Variants in IRAG1 observed in about 807,000 individuals in gnomAD.
The protein encoded by IRAG1 is IP3R-associated cGMP kinase substrate.
In IRAG1, 62 loss-of-function variants were observed where a neutral mutation model predicts 106.2. The ratio of observed to expected loss-of-function variants is 0.58; its 90% CI spans 0.48 to 0.72. IRAG1 has a LOEUF of 0.72. Among genes scored for constraint, IRAG1 ranks in the 30% least tolerant of loss-of-function variants. The probability of loss-of-function intolerance (pLI) is 0.00; values close to 1 mark genes in which losing one functional copy is unlikely to be tolerated. For synonymous variants in IRAG1, 462 were observed against 443.9 expected (o/e 1.04, Z -0.51); for missense variants, 1,064 against 1,140.7 (o/e 0.93, Z 0.97).
At chr11:10,614,090 G>A (rs1057216416) in intron 10 of IRAG1, among the ~76,000 whole-genome samples, 1 of 152,040 alleles carries the variant, frequency 6.6e-6, no homozygotes, top group African/African-American at 2.4e-5. Context: ...ACATACTGAG[G>A]ATACCTACCC....
In IRAG1 at chr11:10,603,216, C is replaced by G. The variant is rs1173118509; in HGVS notation, c.1779G>C (p.Arg593=). Residue 593 remains arginine, a synonymous_variant, in exon 14 of 21, where the codon CGG becomes CGC. Transcript: ENST00000423302. The part of the protein sequence containing the change: ...SASLWHHCEH[R]ETYQKLLEDI... ...CCTCCAGCAACTTCTGGTAGGTTTC[C>G]CGGTGCTCACAGTGGTGCCAGAGTG... is the stretch of plus-strand genomic sequence containing the variant. The G allele has an allele frequency of 1.2e-6, 2 of 1,613,656 alleles. No homozygotes were observed. Among genetic ancestry groups the G allele is most frequent in the South Asian group, 2.2e-5 (2 of 91,044 alleles).
intron 3 of IRAG1, among the ~76,000 whole-genome samples, chr11:10,633,742 G>A (rs145113356): frequency 1.1e-4 from 17 of 152,288 alleles, no homozygotes; most frequent in African/African-American, 2.4e-4. Flanking sequence ...GGCTGGAGCC[G>A]TCGCAGAGCC....
chr11:10,645,527 A>G (rs1334158577), intron 2 of IRAG1, among the ~76,000 whole-genome samples: 1 of 152,230 alleles, frequency 6.6e-6, no homozygotes, highest in Non-Finnish European at 1.5e-5. Flanking sequence ...CATCTGGATA[A>G]GATACCTAAC....
intron 1 of IRAG1, among the ~76,000 whole-genome samples, chr11:10,693,264 C>T (rs995783532): frequency 1.3e-5 from 2 of 152,196 alleles, no homozygotes; most frequent in Admixed American, 6.5e-5. Flanking sequence ...TCAGGACCCA[C>T]ATTTTCACCC....
intron 1 of IRAG1, among the ~76,000 whole-genome samples, chr11:10,678,095 T>C (rs563259194): frequency 1.3e-5 from 2 of 152,366 alleles, no homozygotes; most frequent in South Asian, 4.1e-4. Flanking sequence ...GACATTCGTG[T>C]TGTTTCCTCC....
In IRAG1 at chr11:10,628,842, C is replaced by T. The variant is rs1345264424; in HGVS notation, c.575-14G>A. On this transcript the variant is annotated splice_polypyrimidine_tract_variant and intron_variant, in intron 5 of 20. Transcript: ENST00000423302. This position sits in a 1 kb window ranked among gnomAD's most constrained non-coding sequence, Gnocchi z 4.1. ...TCGGGGAAACAGCTGTGAAGACAGA[C>T]ACAAATTGGCTGGCATTCATGAAGG... is the stretch of plus-strand genomic sequence containing the variant. The T allele has an allele frequency of 1.3e-6, 2 of 1,570,768 alleles. No individual in the cohort carries two copies. The highest frequency in any genetic ancestry group is 1.7e-6 in the Non-Finnish European group (2 of 1,159,398).
At position 10,600,910 on chromosome 11, in the gene IRAG1, G is replaced by T. The variant is rs370218011; in HGVS notation, c.2017+8C>A. 25 of 1,613,910 alleles carry T rather than the reference G, an allele frequency of 1.5e-5. No homozygotes were observed. The highest frequency in any genetic ancestry group is 2.0e-5 in the Non-Finnish European group (24 of 1,179,886). On this transcript the variant is annotated splice_region_variant and intron_variant, in intron 15 of 20. Coordinates refer to ENST00000423302, the MANE Select transcript of IRAG1 (RefSeq NM_130385.4). The stretch of plus-strand genomic sequence containing the variant: ...GGGCCAAGATGGGGCAGGAGCCTAG[G>T]TCCTTACCAGAGGGGCCACAGCTGC...
At chr11:10,680,510 A>AAAAAG (rs1861149071) in intron 1 of IRAG1, among the ~76,000 whole-genome samples, 1 of 134,034 alleles carries the variant, frequency 7.5e-6, no homozygotes, top group Non-Finnish European at 1.6e-5. Flanking sequence ...AGAGAAAGGG[A>AAAAAG]AAAAGAAAGG....
At chr11:10,616,027 T>G (rs955491991) in intron 10 of IRAG1, among the ~76,000 whole-genome samples, 6 of 148,112 alleles carry the variant, frequency 4.1e-5, no homozygotes, top group African/African-American at 1.5e-4. Flanking sequence ...CACTTTTGGC[T>G]GGGCGCGGTG....
intron 12 of IRAG1, 56 bp downstream of exon 12, chr11:10,606,686 G>A: frequency 6.5e-7 from 1 of 1,528,978 alleles, no homozygotes; most frequent in Non-Finnish European, 8.9e-7. Context: ...GAAATGTTTT[G>A]AATAAGCCCA....
intron 1 of IRAG1, among the ~76,000 whole-genome samples, chr11:10,656,733 A>G (rs912225405): frequency 6.6e-6 from 1 of 152,138 alleles, no homozygotes; most frequent in African/African-American, 2.4e-5. Context: ...CCTGCTCAAG[A>G]TCACACAGCT....
intron 19 of IRAG1, among the ~76,000 whole-genome samples, chr11:10,581,519 G>C (rs1284099280): frequency 2.6e-5 from 4 of 152,066 alleles, no homozygotes; most frequent in African/African-American, 9.7e-5. Flanking sequence ...GGCACTGCTG[G>C]CAGCAACATG....
At chr11:10,652,635 C>T (rs926187876) in intron 1 of IRAG1, among the ~76,000 whole-genome samples, 30 of 152,240 alleles carry the variant, frequency 2.0e-4, no homozygotes, top group African/African-American at 6.5e-4. Context: ...ATGAGAGAAC[C>T]GCCCCAGAGA....
intron 10 of IRAG1, among the ~76,000 whole-genome samples, chr11:10,621,269 G>A (rs1016547627): frequency 2.6e-5 from 4 of 152,118 alleles, no homozygotes; most frequent in African/African-American, 9.7e-5. Flanking sequence ...TCTTATTAAT[G>A]CTGAATAAAT....
At chr11:10,682,131 G>A (rs145073238) in intron 1 of IRAG1, among the ~76,000 whole-genome samples, 289 of 152,282 alleles carry the variant, frequency 1.9e-3, no homozygotes, top group African/African-American at 6.4e-3. Context: ...TGTATCACAG[G>A]ATGCTGCAAA....
chr11:10,585,929 A>G (rs1851919433), intron 18 of IRAG1: 2 of 150,800 alleles, frequency 1.3e-5, no homozygotes, highest in African/African-American at 2.5e-5. Flanking sequence ...GAAGCCTTCC[A>G]TGAACCCCCA....
intron 15 of IRAG1, 31 bp from the exon 16 acceptor site, chr11:10,594,226 C>T (rs1372515504): frequency 1.3e-6 from 2 of 1,597,938 alleles, no homozygotes; most frequent in Non-Finnish European, 1.7e-6. Flanking sequence ...GAAGAGAACA[C>T]AGGTAAGTTT....
chr11:10,624,241 C>T (rs1856057435), intron 9 of IRAG1, among the ~76,000 whole-genome samples: 1 of 152,160 alleles, frequency 6.6e-6, no homozygotes, highest in African/African-American at 2.4e-5. Flanking sequence ...GTGTATGGCG[C>T]TGCTCCTGGA....
At position 10,652,119 on chromosome 11, in the gene IRAG1, C is replaced by T. The variant is rs765612867; in HGVS notation, c.131G>A (p.Arg44His). 7.4e-6 allele frequency: 12 copies of T among 1,611,416 alleles called. No individual in the cohort carries two copies. Among genetic ancestry groups the T allele is most frequent in the Non-Finnish European group, 1.0e-5 (12 of 1,178,992 alleles). The change falls in exon 2 of 21, where the codon CGT becomes CAT. Residue 44 changes from arginine to histidine, a missense_variant. Arg to His is a conservative substitution (Grantham distance 29). Transcript: ENST00000423302. Reference sequence around the variant, plus strand: ...GGCAGCCTCCTGCTGGGAGTGGCCACGTGTGCCCGGAACCTCCGCTGCGTC... The same window carrying T: ...GGCAGCCTCCTGCTGGGAGTGGCCATGTGTGCCCGGAACCTCCGCTGCGTC... ...GADAAEVPGTRGHSQQEAAMP... is the reference protein window; with the variant it reads ...GADAAEVPGTHGHSQQEAAMP...
Sources: gnomAD v4.1 joint callset for allele counts (sites outside exome capture counted in the v4.1 genomes callset) on GRCh38, gnomAD v4.1.1 for gene constraint, Gnocchi (gnomAD v3.1) non-coding constraint, MANE v1.5 for transcripts, NCBI Gene and HGNC (gene_info 2026-07-23, HGNC 2026-07-21) for gene names.